ZNF705A: variants seen among roughly 807,000 people sequenced by gnomAD.
The protein encoded by ZNF705A is zinc finger protein 705A.
ZNF705A carries 8 observed loss-of-function variants against 16.6 expected under a neutral mutation model. That is an observed-to-expected ratio of 0.48 (90% CI 0.28 to 0.87). The LOEUF is 0.87. Among genes scored for constraint, ZNF705A ranks in the 40% least tolerant of loss-of-function variants. The pLI is 0.10. For synonymous variants in ZNF705A, 73 were observed against 117.3 expected, an observed-to-expected ratio of 0.62 and a Z score of 2.44; for missense variants, 233 against 359.9, an observed-to-expected ratio of 0.65 and a Z score of 2.85.
upstream of ZNF705A, chr12:8,168,745 G>A (rs1948420605): frequency 1.3e-5 from 2 of 152,152 alleles, no homozygotes; most frequent in South Asian, 2.1e-4. Context: ...ACAGAAAATC[G>A]TGTTGGGCAT....
upstream of ZNF705A, among the ~76,000 whole-genome samples, chr12:8,169,409 A>G (rs1376899597): frequency 6.6e-6 from 1 of 152,206 alleles, no homozygotes; most frequent in Non-Finnish European, 1.5e-5. Context: ...TCCCGTCAAG[A>G]TAACAGGATT....
exon 5 of ZNF705A, chr12:8,179,699 C>G (rs1948516813): frequency 6.6e-6 from 1 of 152,192 alleles, no homozygotes; most frequent in African/African-American, 2.4e-5. Flanking sequence ...GAAATTCAAG[C>G]CCTTGGCAAA....
At chr12:8,175,658 C>T (rs895208992) in intron 3 of ZNF705A, among the ~76,000 whole-genome samples, 2 of 152,144 alleles carry the variant, frequency 1.3e-5, no homozygotes, top group African/African-American at 2.4e-5. Context: ...CATTTTAACT[C>T]TTTTCACATT....
chr12:8,159,405 G>A (rs1948334907), intron 1 of ZNF705A, among the ~76,000 whole-genome samples: 1 of 151,762 alleles, frequency 6.6e-6, no homozygotes, highest in South Asian at 2.1e-4. Context: ...TTTCTACATA[G>A]TGACTGTACA....
upstream of ZNF705A, among the ~76,000 whole-genome samples, chr12:8,170,000 A>T (rs894639582): frequency 6.6e-6 from 1 of 152,078 alleles, no homozygotes; most frequent in African/African-American, 2.4e-5. Flanking sequence ...GACCAGCCCT[A>T]CCAAAATGGA....
chr12:8,171,824 C>T (rs180738750), upstream of ZNF705A, among the ~76,000 whole-genome samples: 196 of 152,144 alleles, frequency 1.3e-3, 1 homozygote, highest in African/African-American at 4.5e-3. Flanking sequence ...GTAATCTCTG[C>T]CTCCCGGGTT....
At chr12:8,172,426 G>A (rs189846990), upstream of ZNF705A, 43 of 773,962 alleles carry the variant, frequency 5.6e-5, 1 homozygote, top group East Asian at 4.5e-4. Flanking sequence ...AGGCCTCTGC[G>A]TGTTTGTGTC....
At chr12:8,158,968 C>A (rs914072762) in intron 1 of ZNF705A, among the ~76,000 whole-genome samples, 17 of 152,060 alleles carry the variant, frequency 1.1e-4, no homozygotes, top group Admixed American at 6.6e-5. Flanking sequence ...TTTGTCCCCC[C>A]ACCCTTTCCT....
chr12:8,175,801 T>A, intron 3 of ZNF705A, 59 bp from the exon 5 acceptor site: 1 of 1,607,236 alleles, frequency 6.2e-7, no homozygotes, highest in African/African-American at 1.3e-5. Flanking sequence ...CCTTGGGGCT[T>A]TTCAAACAAT....
intron 1 of ZNF705A, among the ~76,000 whole-genome samples, 174 bp downstream of exon 2, chr12:8,172,811 T>C (rs1046872354): frequency 6.6e-6 from 1 of 152,240 alleles, no homozygotes; most frequent in African/African-American, 2.4e-5. Flanking sequence ...CTTTCAGGTA[T>C]CTGGCCTCCA....
At chr12:8,173,014 C>T (rs2120723475) in intron 1 of ZNF705A, among the ~76,000 whole-genome samples, 1 of 152,040 alleles carries the variant, frequency 6.6e-6, no homozygotes, top group South Asian at 2.1e-4. Flanking sequence ...AATAATTGAC[C>T]CATTAACTGT....
chr12:8,177,647 C>T, exon 5 of ZNF705A: 1 of 1,594,064 alleles, frequency 6.3e-7, no homozygotes, highest in Non-Finnish European at 8.5e-7. Context: ...AGCCTTCAGT[C>T]AATGTACTAG....
intron 1 of ZNF705A, among the ~76,000 whole-genome samples, chr12:8,173,959 T>C (rs1948464479): frequency 6.6e-6 from 1 of 152,190 alleles, no homozygotes; most frequent in Non-Finnish European, 1.5e-5. Flanking sequence ...GTTATTTGCC[T>C]TGTGACAAAT....
At chr12:8,162,210 T>C (rs968881051) in intron 1 of ZNF705A, among the ~76,000 whole-genome samples, 1 of 152,006 alleles carries the variant, frequency 6.6e-6, no homozygotes, top group African/African-American at 2.4e-5. Flanking sequence ...TCTCAAGTAA[T>C]AAAAGAGAAA....
At chr12:8,179,161 G>A (rs4365120) in exon 5 of ZNF705A, 1 of 152,112 alleles carries the variant, frequency 6.6e-6, no homozygotes, top group Non-Finnish European at 1.5e-5. Context: ...CCCTCAGAAG[G>A]CTCTTGAAAT....
Position 8,163,190 on chromosome 12 carries a change from T to G in ZNF705A, c.-72+6098T>G, listed in dbSNP as rs2120701950. Among the ~76,000 whole-genome samples the G allele has an allele frequency of 2.0e-5, 3 of 152,310 alleles. 1 individual carries two copies. In the Middle Eastern group the frequency reaches 0.01, roughly 518 times the overall value. On this transcript the variant is annotated intron_variant, in intron 1 of 5. Transcript: ENST00000396570. ...TTGTCTTCCTTAGGTGCTTCCTTGA[T>G]AGCACCTATAAAGATCGAGATCTGT...
At chr12:8,162,833 A>T (rs1275623238) in intron 1 of ZNF705A, among the ~76,000 whole-genome samples, 1 of 152,198 alleles carries the variant, frequency 6.6e-6, no homozygotes, top group East Asian at 1.9e-4. Flanking sequence ...CTTTACTAGC[A>T]CTGCTAAGAA....
intron 1 of ZNF705A, among the ~76,000 whole-genome samples, chr12:8,174,081 G>A (rs1269637150): frequency 1.3e-5 from 2 of 151,994 alleles, no homozygotes; most frequent in Non-Finnish European, 2.9e-5. Context: ...AAAATATCTG[G>A]GTTATATTAT....
rs554291884 is a variant in ZNF705A, at chr12:8,159,740, T to C, written c.-72+2648T>C. On this transcript the variant is annotated intron_variant, in intron 1 of 5. Transcript: ENST00000396570. ...TTCTGGATATTAGTCCTTTGTTGGATGTATAGATTGTGAAGATTTTCTCCC... is the reference window on the plus strand; with the variant it reads ...TTCTGGATATTAGTCCTTTGTTGGACGTATAGATTGTGAAGATTTTCTCCC... 2.9e-4 allele frequency among the ~76,000 whole-genome samples: 44 copies of C among 152,294 alleles called. No homozygotes were observed. The South Asian group carries it at 8.9e-3, about 31-fold the overall frequency.
Sources: allele counts gnomAD v4.1 joint callset (sites outside exome capture counted in the v4.1 genomes callset), GRCh38; gene constraint gnomAD v4.1.1; transcripts MANE v1.5; gene names NCBI Gene and HGNC (gene_info 2026-07-23, HGNC 2026-07-21).